Variants in RBP2 observed in about 807,000 individuals in gnomAD.
RBP2 encodes retinol binding protein 2.
A neutral mutation model predicts 17.0 loss-of-function variants in RBP2; 17 were observed. The ratio of observed to expected loss-of-function variants is 1.00; its 90% CI spans 0.68 to 1.50. RBP2 has a LOEUF of 1.50. Ranked by LOEUF, RBP2 falls within the 40% of genes most tolerant of loss-of-function variation. The probability of loss-of-function intolerance (pLI) is 0.00; values close to 1 mark genes in which losing one functional copy is unlikely to be tolerated. For synonymous variants in RBP2, 48 were observed against 57.1 expected (o/e 0.84, Z 0.72); for missense variants, 158 against 168.2 (o/e 0.94, Z 0.33).
intron 1 of RBP2, among the ~76,000 whole-genome samples, chr3:139,464,430 G>T (rs1031509735): frequency 6.6e-6 from 1 of 151,694 alleles, no homozygotes; most frequent in Non-Finnish European, 1.5e-5. Flanking sequence ...TGCACTCCTC[G>T]CAATAGAGCG....
At chr3:139,473,493 A>T (rs1477887790) in intron 1 of RBP2, among the ~76,000 whole-genome samples, 1 of 152,216 alleles carries the variant, frequency 6.6e-6, no homozygotes, top group Non-Finnish European at 1.5e-5. Flanking sequence ...TGATTCTTAG[A>T]TAGGGAATAG....
intron 2 of RBP2, among the ~76,000 whole-genome samples, chr3:139,459,833 AGTGTGTGT>A (rs56943288): frequency 7.5e-6 from 1 of 134,002 alleles, no homozygotes; most frequent in African/African-American, 2.6e-5. Context: ...GGTGTGTGTG[AGTGTGTGT>A]GTGTGTGTGT....
chr3:139,464,515 G>C (rs912080771), intron 1 of RBP2, among the ~76,000 whole-genome samples: 1 of 152,062 alleles, frequency 6.6e-6, no homozygotes, highest in Non-Finnish European at 1.5e-5. Flanking sequence ...AGGAGAGGCC[G>C]AGTTGAACCT....
intron 1 of RBP2, among the ~76,000 whole-genome samples, chr3:139,471,026 T>G (rs1227587918): frequency 6.6e-6 from 1 of 152,184 alleles, no homozygotes; most frequent in African/African-American, 2.4e-5. Flanking sequence ...ACTCCATTAT[T>G]CTTTTAATTT....
chr3:139,472,239 T>TA (rs1933592744), intron 1 of RBP2, among the ~76,000 whole-genome samples: 1 of 152,214 alleles, frequency 6.6e-6, no homozygotes, highest in South Asian at 2.1e-4. Flanking sequence ...TTGATACCCA[T>TA]AGCCCCTTTG....
intron 3 of RBP2, among the ~76,000 whole-genome samples, chr3:139,453,773 A>G (rs1276312293): frequency 6.6e-6 from 1 of 152,214 alleles, no homozygotes; most frequent in Non-Finnish European, 1.5e-5. Flanking sequence ...GGACCACCAC[A>G]ATCATTGCAG....
At chr3:139,460,337 A>G (rs904685417) in intron 2 of RBP2, among the ~76,000 whole-genome samples, 10 of 152,206 alleles carry the variant, frequency 6.6e-5, no homozygotes, top group Non-Finnish European at 1.2e-4. Context: ...GCCCAGAATC[A>G]TAAGTTCTCA....
At chr3:139,467,473 G>A (rs1576426145) in intron 1 of RBP2, among the ~76,000 whole-genome samples, 1 of 152,304 alleles carries the variant, frequency 6.6e-6, no homozygotes, top group Middle Eastern at 3.4e-3. Context: ...TGGTATAAAT[G>A]AGTAAGGGTA....
rs368971833 is a variant in RBP2, at chr3:139,462,873, G to A, written c.74-583C>T. Among the ~76,000 whole-genome samples the A allele has an allele frequency of 5.9e-4, 89 of 152,128 alleles. 1 individual carries two copies. The highest frequency in any genetic ancestry group is 1.9e-3 in the African/African-American group (77 of 41,496). ...TTTCGAGACAGGGTCTCACTCTGTC[G>A]CCCAGGCTGGAGTGCAGTGACATGA... is the stretch of plus-strand genomic sequence containing the variant. On this transcript the variant is annotated intron_variant, in intron 1 of 3. Coordinates refer to ENST00000232217, the MANE Select transcript of RBP2 (RefSeq NM_004164.3).
intron 1 of RBP2, among the ~76,000 whole-genome samples, chr3:139,473,049 C>T (rs911871408): frequency 1.3e-5 from 2 of 152,192 alleles, no homozygotes; most frequent in Non-Finnish European, 2.9e-5. Context: ...ATGAAGACCA[C>T]CCCTCCCATT....
At position 139,462,092 on chromosome 3, in the gene RBP2, ACAC is replaced by A; in HGVS notation, c.252+17_252+19del. The A allele has an allele frequency of 6.2e-7, 1 of 1,602,362 alleles. No homozygotes were observed. Among genetic ancestry groups the A allele is most frequent in the African/African-American group, 1.3e-5 (1 of 74,694 alleles). On this transcript the variant is annotated intron_variant, in intron 2 of 3. Transcript: ENST00000232217. ...CTGGCACAGAATGTGTGAATGAAAA[ACAC>A]CAGCCCCGGTCAGTACCTTAACATG... is the stretch of plus-strand genomic sequence containing the variant.
chr3:139,470,801 C>T (rs1452808501), intron 1 of RBP2, among the ~76,000 whole-genome samples: 1 of 151,976 alleles, frequency 6.6e-6, no homozygotes, highest in Non-Finnish European at 1.5e-5. Context: ...TGCCTAGGCT[C>T]ATCATGAACT....
At chr3:139,455,349 T>G (rs1305923668) in intron 2 of RBP2, among the ~76,000 whole-genome samples, 1 of 152,172 alleles carries the variant, frequency 6.6e-6, no homozygotes. Flanking sequence ...AGCAGATGGC[T>G]TCTAAACATA....
chr3:139,458,095 C>G (rs1933039968), intron 2 of RBP2, among the ~76,000 whole-genome samples: 1 of 151,994 alleles, frequency 6.6e-6, no homozygotes, highest in Non-Finnish European at 1.5e-5. Context: ...CATGACAAAG[C>G]AAAGGGGCAA....
chr3:139,459,291 C>T (rs6772199), intron 2 of RBP2, among the ~76,000 whole-genome samples: 80,081 of 151,324 alleles, frequency 0.53, 23,927 homozygotes, highest in East Asian at 0.92. Flanking sequence ...CATGGTGGCT[C>T]ACGCCTGTAA....
chr3:139,469,663 A>ATCTG (rs774785857), intron 1 of RBP2, among the ~76,000 whole-genome samples: 6,630 of 145,502 alleles, frequency 0.046, 194 homozygotes, highest in Middle Eastern at 0.089. Flanking sequence ...TCAGACATCT[A>ATCTG]TCTGTCTGTC....
chr3:139,470,309 T>TTCA (rs1933520165), intron 1 of RBP2, among the ~76,000 whole-genome samples: 1 of 152,112 alleles, frequency 6.6e-6, no homozygotes, highest in African/African-American at 2.4e-5. Flanking sequence ...TCACTTCATA[T>TTCA]TCATCTGCAA....
chr3:139,465,305 T>C (rs1349076793), intron 1 of RBP2, among the ~76,000 whole-genome samples: 2 of 152,178 alleles, frequency 1.3e-5, no homozygotes, highest in Non-Finnish European at 2.9e-5. Context: ...ACACGCTTTG[T>C]GTCTAGGGAT....
At chr3:139,469,380 G>A (rs371290905) in intron 1 of RBP2, among the ~76,000 whole-genome samples, 100 of 152,248 alleles carry the variant, frequency 6.6e-4, no homozygotes, top group African/African-American at 2.3e-3. Flanking sequence ...TGCTCCCTAT[G>A]CACTGTTTCT....
Sources: gnomAD v4.1 joint callset for allele counts (sites outside exome capture counted in the v4.1 genomes callset) on GRCh38, gnomAD v4.1.1 for gene constraint, MANE v1.5 for transcripts, NCBI Gene and HGNC (gene_info 2026-07-23, HGNC 2026-07-21) for gene names.